The following LRP4 variants were observed in gnomAD, a reference collection of about 807,000 sequenced individuals.
LRP4 encodes low-density lipoprotein receptor-related protein 4.
A neutral mutation model predicts 220.3 loss-of-function variants in LRP4; 95 were observed. The observed-to-expected ratio is 0.43, with a 90% CI of 0.37 to 0.51. LRP4 has a LOEUF of 0.51. Ranked by LOEUF, LRP4 falls within the 20% of genes least tolerant of loss-of-function variation. LRP4 has a pLI of 0.00. For synonymous variants in LRP4, 903 were observed against 954.6 expected (o/e 0.95, Z 1.00); for missense variants, 1,925 against 2,567.0 (o/e 0.75, Z 5.40).
intron 13 of LRP4, among the ~76,000 whole-genome samples, chr11:46,891,006 G>A (rs1941410269): frequency 6.6e-6 from 1 of 151,936 alleles, no homozygotes; most frequent in African/African-American, 2.4e-5. Context: ...CTTAGGCACT[G>A]GAAATCTAGC....
chr11:46,875,956 A>G lies in LRP4; in HGVS notation c.3547T>C (p.Trp1183Arg), dbSNP rs759832962. The G allele has an allele frequency of 6.2e-7, 1 of 1,614,194 alleles. No individual in the cohort carries two copies. The highest frequency in any genetic ancestry group is 8.5e-7 in the Non-Finnish European group (1 of 1,180,034). The change falls in exon 26 of 38, where the codon TGG becomes CGG. Residue 1183 changes from tryptophan (W) to arginine (R), a missense_variant. By Grantham distance (101) the Trp-to-Arg change is moderately radical (BLOSUM62 -3). Transcript: ENST00000378623. This position sits in a 1 kb window ranked among gnomAD's most constrained non-coding sequence, Gnocchi z 4.5. The part of the protein sequence containing the change: ...VLYHEMGFMY[W>R]TDWGENAKLE... ...TTGGCATTCTCCCCCCAGTCTGTCC[A>G]GTACATAAACCTGAGTGAGGAAGAA...
At chr11:46,887,355 C>T (rs888098411) in intron 16 of LRP4, among the ~76,000 whole-genome samples, 3 of 152,184 alleles carry the variant, frequency 2.0e-5, no homozygotes, top group Non-Finnish European at 2.9e-5. Context: ...GGGGGCTTTA[C>T]TTCTTGCATC....
intron 2 of LRP4, among the ~76,000 whole-genome samples, chr11:46,902,187 A>C (rs1351752634): frequency 6.6e-6 from 1 of 151,634 alleles, no homozygotes; most frequent in Non-Finnish European, 1.5e-5. Flanking sequence ...TTGAAACCTC[A>C]TCTCTACTAA....
chr11:46,882,057 A>G (rs1480380646), intron 19 of LRP4, among the ~76,000 whole-genome samples, 154 bp from the exon 20 acceptor site: 1 of 152,230 alleles, frequency 6.6e-6, no homozygotes, highest in Non-Finnish European at 1.5e-5. Context: ...GCTCAGCACT[A>G]TCTCTGAATG....
At position 46,869,025 on chromosome 11, in the gene LRP4, G is replaced by A. The variant is rs1403943967; in HGVS notation, c.4800C>T (p.Leu1600=). The change falls in exon 32 of 38, where the codon CTC becomes CTT. Residue 1600 remains leucine (L), a synonymous_variant. Transcript: ENST00000378623. ...GAGGGGAAACCACGATGATATCCAT[G>A]AGTCCTTCCACATTTGCCAGCACTG... The part of the protein sequence containing the change: ...KETVLANVEG[L]MDIIVVSPQR... 1.2e-6 allele frequency: 2 copies of A among 1,614,190 alleles called. No individual in the cohort carries two copies. Among genetic ancestry groups the A allele is most frequent in the Non-Finnish European group, 1.7e-6 (2 of 1,180,038 alleles).
At chr11:46,878,835 C>T in intron 22 of LRP4, 72 bp downstream of exon 22, 1 of 1,605,230 alleles carries the variant, frequency 6.2e-7, no homozygotes, top group South Asian at 1.1e-5. Flanking sequence ...TGGAGCCCAT[C>T]TGCAAGGAAG....
Position 46,892,999 on chromosome 11 carries a change from C to T in LRP4, c.1671G>A (p.Arg557=), listed in dbSNP as rs1223336072. 3 of 1,613,868 alleles carry T rather than the reference C, an allele frequency of 1.9e-6. No individual in the cohort carries two copies. The highest frequency in any genetic ancestry group is 2.5e-6 in the Non-Finnish European group (3 of 1,180,012). ...VLLWQNLEKP[R]AIALHPMEGT... The stretch of plus-strand genomic sequence containing the variant: ...CCTCCATGGGATGCAAGGCAATGGC[C>T]CGGGGCTTCTCCAGGTTCTGCCACA... Residue 557 remains arginine (R), a synonymous_variant, in exon 13 of 38, where the codon CGG becomes CGA. Transcript: ENST00000378623.
rs758635404 is a variant in LRP4, at chr11:46,873,139, C to T, written c.4544G>A (p.Gly1515Asp). The T allele has an allele frequency of 6.2e-7, 1 of 1,614,198 alleles. No homozygotes were observed. The highest frequency in any genetic ancestry group is 1.7e-5 in the Admixed American group (1 of 60,022). The change falls in exon 30 of 38, where the codon GGT (glycine) becomes GAT (aspartate). Residue 1515 changes from glycine (G) to aspartate (D), a missense_variant. This residue lies in a region of LRP4 where 1,244 missense variants were observed against 1,624.9 expected (regional missense o/e 0.77). Coordinates refer to ENST00000378623, the MANE Select transcript of LRP4 (RefSeq NM_002334.4). This position sits in a 1 kb window ranked among gnomAD's most constrained non-coding sequence, Gnocchi z 4.2. ...GTCCAGGGTAAGGCCATTGGGCCAA[C>T]CCAGGTCTGTGTTGATGAGGACCTT... ...ERKVLINTDL[G>D]WPNGLTLDYD...
intron 30 of LRP4, 97 bp from the exon 31 acceptor site, chr11:46,871,730 G>T: frequency 1.2e-6 from 1 of 811,120 alleles, no homozygotes; most frequent in Non-Finnish European, 2.1e-6. Context: ...GAGCTGACTG[G>T]CAGATGCTAT....
intron 34 of LRP4, among the ~76,000 whole-genome samples, chr11:46,867,420 G>T (rs2134773259): frequency 6.6e-6 from 1 of 152,260 alleles, no homozygotes; most frequent in African/African-American, 2.4e-5. Flanking sequence ...CCTCCTAAGT[G>T]ATTTCTGTTT....
rs1381886181 is a variant in LRP4, at chr11:46,875,831, T to C, written c.3672A>G (p.Gln1224=). ...NGLTVDKASS[Q]LLWADAHTER... ...CGGTGTGGGCATCGGCCCATAGCAG[T>C]TGGGAGCTGGCCTTGTCCACAGTCA... Residue 1224 remains glutamine, a synonymous_variant, in exon 26 of 38, where the codon CAA becomes CAG. Transcript: ENST00000378623. The surrounding 1 kb of genome is among the most constrained non-coding windows in gnomAD (Gnocchi z 4.5). 8 of 1,614,060 alleles carry C rather than the reference T, an allele frequency of 5.0e-6. No individual in the cohort carries two copies. Among genetic ancestry groups the C allele is most frequent in the East Asian group, 2.2e-5 (1 of 44,866 alleles).
At chr11:46,893,330 C>T (rs1284113594) in intron 12 of LRP4, among the ~76,000 whole-genome samples, 1 of 152,180 alleles carries the variant, frequency 6.6e-6, no homozygotes, top group African/African-American at 2.4e-5. Context: ...AATTGAGGCA[C>T]AAAAGAGTTA....
At chr11:46,913,761 A>T (rs1039430145) in intron 1 of LRP4, among the ~76,000 whole-genome samples, 8 of 152,160 alleles carry the variant, frequency 5.3e-5, no homozygotes, top group Non-Finnish European at 1.0e-4. Context: ...TCTCAGAGGA[A>T]AAGCTCCATT....
At position 46,890,267 on chromosome 11, in the gene LRP4, A is replaced by T. The variant is rs566481615; in HGVS notation, c.1915+10T>A. 2 of 1,613,792 alleles carry T rather than the reference A, an allele frequency of 1.2e-6. No homozygotes were observed. The highest frequency in any genetic ancestry group is 2.7e-5 in the African/African-American group (2 of 75,042). On this transcript the variant is annotated intron_variant, in intron 14 of 37. Coordinates refer to ENST00000378623, the MANE Select transcript of LRP4 (RefSeq NM_002334.4). This position sits in a 1 kb window ranked among gnomAD's most constrained non-coding sequence, Gnocchi z 5.3. ...ACAAGAGATGAAGGAGACTGAAGGAAGGGGCTCACCCTGGCTAATGACAGC... is the reference window on the plus strand; with the variant it reads ...ACAAGAGATGAAGGAGACTGAAGGATGGGGCTCACCCTGGCTAATGACAGC...
At position 46,895,197 on chromosome 11, in the gene LRP4, T is replaced by C. The variant is rs773909373; in HGVS notation, c.1278A>G (p.Leu426=). ...CCTTGCAGCTGCGCCGGTCGGGCCG[T>C]AGTTCATAGCCTGTTTCACACCAGC... is the stretch of plus-strand genomic sequence containing the variant. ...FQCWCETGYE[L]RPDRRSCKAL... Residue 426 remains leucine, a synonymous_variant, in exon 11 of 38, where the codon CTA becomes CTG. Coordinates refer to ENST00000378623, the MANE Select transcript of LRP4 (RefSeq NM_002334.4). 5.0e-6 allele frequency: 8 copies of C among 1,614,080 alleles called. No individual in the cohort carries two copies. The highest frequency in any genetic ancestry group is 2.2e-5 in the East Asian group (1 of 44,888).
chr11:46,900,040 T>C, intron 3 of LRP4, 64 bp from the exon 4 acceptor site: 1 of 1,361,616 alleles, frequency 7.3e-7, no homozygotes, highest in Non-Finnish European at 1.0e-6. Flanking sequence ...AAGCCTGACT[T>C]AAAGCCCTCC....
In LRP4 at chr11:46,875,702, G is replaced by A. The variant is rs2306032; in HGVS notation, c.3700-21C>T. 4.3e-5 allele frequency: 70 copies of A among 1,612,346 alleles called. No homozygotes were observed. Among genetic ancestry groups the A allele is most frequent in the East Asian group, 8.9e-5 (4 of 44,862 alleles). On this transcript the variant is annotated intron_variant, in intron 26 of 37. Coordinates refer to ENST00000378623, the MANE Select transcript of LRP4 (RefSeq NM_002334.4). This position sits in a 1 kb window ranked among gnomAD's most constrained non-coding sequence, Gnocchi z 4.5. ...ATTCGCTGCAGAGGAAGGAGAGGGT[G>A]GGGGGTGGTGATCAGCAGATTGGGA...
In LRP4 at chr11:46,899,469, A is replaced by G. The variant is rs1314988964; in HGVS notation, c.465T>C (p.Cys155=). Residue 155 remains cysteine, a synonymous_variant, in exon 5 of 38, where the codon TGT becomes TGC. Coordinates refer to ENST00000378623, the MANE Select transcript of LRP4 (RefSeq NM_002334.4). The surrounding 1 kb of genome is among the most constrained non-coding windows in gnomAD (Gnocchi z 5.9). ...GCTCAGCAATGCAGCTTCCGTCACTACAGCGGAACTCCTTGTCGGAGCACT... is the reference window on the plus strand; with the variant it reads ...GCTCAGCAATGCAGCTTCCGTCACTGCAGCGGAACTCCTTGTCGGAGCACT... The part of the protein sequence containing the change: ...MRKCSDKEFR[C]SDGSCIAEHW... 6.2e-7 allele frequency: 1 copy of G among 1,614,012 alleles called. No homozygotes were observed. The highest frequency in any genetic ancestry group is 8.5e-7 in the Non-Finnish European group (1 of 1,179,960).
intron 1 of LRP4, among the ~76,000 whole-genome samples, chr11:46,914,049 C>T (rs1163502843): frequency 6.6e-6 from 1 of 152,086 alleles, no homozygotes; most frequent in African/African-American, 2.4e-5. Context: ...ATCTCGGATC[C>T]ACTTAGGTGA....
Sources: gnomAD v4.1 joint callset for allele counts (sites outside exome capture counted in the v4.1 genomes callset) on GRCh38, gnomAD v4.1.1 for gene constraint, gnomAD v4.1.1 regional missense constraint, Gnocchi (gnomAD v3.1) non-coding constraint, MANE v1.5 for transcripts, NCBI Gene and HGNC (gene_info 2026-07-23, HGNC 2026-07-21) for gene names.